Variants in COG5 observed in about 807,000 individuals in gnomAD.
COG5 encodes conserved oligomeric Golgi complex subunit 5.
COG5 carries 86 observed loss-of-function variants against 110.4 expected under a neutral mutation model. The observed-to-expected ratio is 0.78, with a 90% CI of 0.65 to 0.93. The LOEUF is 0.93. Ranked by LOEUF, COG5 falls within the 40% of genes least tolerant of loss-of-function variation. The probability of loss-of-function intolerance (pLI) is 0.00; values close to 1 mark genes in which losing one functional copy is unlikely to be tolerated. For synonymous variants in COG5, 360 were observed against 334.6 expected (o/e 1.08, Z -0.83); for missense variants, 1,077 against 987.0 (o/e 1.09, Z -1.22).
At chr7:107,241,141 A>G (rs886236860) in intron 17 of COG5, among the ~76,000 whole-genome samples, 6 of 152,236 alleles carry the variant, frequency 3.9e-5, no homozygotes, top group Admixed American at 3.9e-4. Context: ...TACAGGCACT[A>G]GTTGCAGCTC....
At chr7:107,334,262 G>A (rs546525469) in intron 10 of COG5, among the ~76,000 whole-genome samples, 1 of 150,356 alleles carries the variant, frequency 6.7e-6, no homozygotes, top group South Asian at 2.1e-4. Context: ...CATGAATGAG[G>A]CTGGAGGACA....
intron 7 of COG5, among the ~76,000 whole-genome samples, chr7:107,392,021 G>A (rs539676141): frequency 4.1e-4 from 63 of 152,268 alleles, no homozygotes; most frequent in Admixed American, 7.2e-4. Flanking sequence ...AACCTGGGAG[G>A]TGGAGGTTGC....
intron 19 of COG5, among the ~76,000 whole-genome samples, chr7:107,219,828 C>A (rs1260022172): frequency 6.6e-6 from 1 of 152,170 alleles, no homozygotes; most frequent in African/African-American, 2.4e-5. Flanking sequence ...GAATAAATTT[C>A]AAATGTTCTT....
At chr7:107,426,124 C>A (rs1055742354) in intron 6 of COG5, among the ~76,000 whole-genome samples, 1 of 152,180 alleles carries the variant, frequency 6.6e-6, no homozygotes, top group African/African-American at 2.4e-5. Context: ...GGACTTCTAG[C>A]CTCCAGAATT....
intron 5 of COG5, among the ~76,000 whole-genome samples, chr7:107,540,658 C>A (rs1801914199): frequency 6.8e-6 from 1 of 146,766 alleles, no homozygotes; most frequent in African/African-American, 2.5e-5. Context: ...TAAGTGTGAA[C>A]CAGAAAAAAG....
chr7:107,220,809 T>A (rs1235013988), intron 19 of COG5, among the ~76,000 whole-genome samples: 1 of 149,894 alleles, frequency 6.7e-6, no homozygotes, highest in East Asian at 1.9e-4. Context: ...GCGGGACTCA[T>A]GCCTTCTTTT....
rs1482502451 is a variant in COG5, at chr7:107,295,077, ATATATATATATATATATATATATATTTT to A, written c.1313+3037_1313+3064del. The stretch of plus-strand genomic sequence containing the variant: ...CACACACACACACACATATATATAT[ATATATATATATATATATATATATATTTT>A]TTTTTTTTTTTTGTAGAGTCAGGAT... On this transcript the variant is annotated intron_variant, in intron 12 of 21. Coordinates refer to ENST00000297135, the MANE Select transcript of COG5 (RefSeq NM_006348.5). 4.0e-4 allele frequency among the ~76,000 whole-genome samples: 22 copies of A among 55,280 alleles called. 1 individual carries two copies. The South Asian group carries it at 0.013, about 32-fold the overall frequency. The allele number at this position is 55,280 out of a possible 152,430, so 36.3% of individuals were successfully genotyped here.
chr7:107,387,778 C>A (rs1790318191), intron 7 of COG5, among the ~76,000 whole-genome samples: 1 of 152,224 alleles, frequency 6.6e-6, no homozygotes, highest in Non-Finnish European at 1.5e-5. Flanking sequence ...GGCTCTGATA[C>A]TGGCCTTGGA....
intron 6 of COG5, among the ~76,000 whole-genome samples, chr7:107,448,205 A>C (rs1018649661): frequency 1.3e-5 from 2 of 151,042 alleles, no homozygotes; most frequent in African/African-American, 5.0e-5. Flanking sequence ...CAAAACATGG[A>C]ATGTTATATT....
At chr7:107,481,171 T>C (rs1334621767) in intron 6 of COG5, among the ~76,000 whole-genome samples, 1 of 152,114 alleles carries the variant, frequency 6.6e-6, no homozygotes, top group Non-Finnish European at 1.5e-5. Flanking sequence ...GTCATTTTCA[T>C]CACCCTGCTT....
intron 7 of COG5, among the ~76,000 whole-genome samples, chr7:107,400,281 T>G (rs915995184): frequency 6.6e-6 from 1 of 151,998 alleles, no homozygotes; most frequent in Non-Finnish European, 1.5e-5. Context: ...GTTGAATGTA[T>G]AAAGCCAGAT....
At chr7:107,365,437 A>G (rs961779193) in intron 8 of COG5, among the ~76,000 whole-genome samples, 1 of 151,964 alleles carries the variant, frequency 6.6e-6, no homozygotes, top group African/African-American at 2.4e-5. Flanking sequence ...GTCAAAATGA[A>G]GAAGGAACCA....
chr7:107,292,173 AC>A (rs557389235), intron 12 of COG5, among the ~76,000 whole-genome samples: 106 of 152,238 alleles, frequency 7.0e-4, no homozygotes, highest in South Asian at 1.2e-3. Context: ...AGTAGCTGGG[AC>A]TACAGGTGTG....
chr7:107,371,707 T>A (rs1359762947), intron 8 of COG5, among the ~76,000 whole-genome samples: 1 of 152,186 alleles, frequency 6.6e-6, no homozygotes, highest in Non-Finnish European at 1.5e-5. Flanking sequence ...TTAATTGGTT[T>A]TAAGCAAAAG....
chr7:107,246,033 C>T (rs1411310101), intron 17 of COG5, among the ~76,000 whole-genome samples: 1 of 152,118 alleles, frequency 6.6e-6, no homozygotes, highest in Non-Finnish European at 1.5e-5. Context: ...ACCAATGGAA[C>T]AGAATAGAAA....
intron 21 of COG5, chr7:107,208,597 C>T (rs1298251179): frequency 6.1e-6 from 6 of 985,292 alleles, no homozygotes; most frequent in Non-Finnish European, 7.2e-6. Flanking sequence ...TAGCCCAGGC[C>T]CAAACTCCTC....
intron 14 of COG5, among the ~76,000 whole-genome samples, chr7:107,266,448 T>G (rs1022232439): frequency 6.6e-6 from 1 of 152,210 alleles, no homozygotes; most frequent in Non-Finnish European, 1.5e-5. Flanking sequence ...ACATCTCTTC[T>G]CTGCTTTTAG....
intron 6 of COG5, among the ~76,000 whole-genome samples, chr7:107,419,872 G>A (rs1793155167): frequency 6.6e-6 from 1 of 152,034 alleles, no homozygotes; most frequent in Non-Finnish European, 1.5e-5. Context: ...CTGGCCAAGA[G>A]TTTATAGTTT....
intron 6 of COG5, among the ~76,000 whole-genome samples, chr7:107,522,620 GA>G (rs1800419235): frequency 6.6e-6 from 1 of 151,314 alleles, no homozygotes; most frequent in Non-Finnish European, 1.5e-5. Context: ...AAGAAGAAAA[GA>G]AAAAAATAAA....
Sources: gnomAD v4.1 joint callset for allele counts (sites outside exome capture counted in the v4.1 genomes callset) on GRCh38, gnomAD v4.1.1 for gene constraint, MANE v1.5 for transcripts, NCBI Gene and HGNC (gene_info 2026-07-23, HGNC 2026-07-21) for gene names.